ISY1: variants seen among roughly 807,000 people sequenced by gnomAD.
ISY1 encodes the protein pre-mRNA-splicing factor ISY1 homolog.
A neutral mutation model predicts 54.4 loss-of-function variants in ISY1; 12 were observed. The ratio of observed to expected loss-of-function variants is 0.22; its 90% CI spans 0.14 to 0.36. ISY1 has a LOEUF of 0.36. ISY1 is among the 10% of genes least tolerant of loss of function. The pLI is 1.00. For missense variants in ISY1, 282 were observed against 342.2 expected, an observed-to-expected ratio of 0.82 and a Z score of 1.39; for synonymous variants, 96 against 117.9, an observed-to-expected ratio of 0.81 and a Z score of 1.20.
rs548992025 is a variant in ISY1, at chr3:129,156,431, T to C, written c.187+202A>G. On this transcript the variant is annotated intron_variant, in intron 5 of 10. Coordinates refer to ENST00000393295, the MANE Select transcript of ISY1 (RefSeq NM_020701.4). ...AAAAAAAAAAATGACGTATTCTTTA[T>C]TGTTAGGTACAGTGTTGTGAGACAG... Among the ~76,000 whole-genome samples, 3 of 151,918 alleles carry C rather than the reference T, an allele frequency of 2.0e-5. No homozygotes were observed. In the East Asian group the frequency reaches 5.8e-4, roughly 29 times the overall value.
chr3:129,160,535 A>C (rs1354346857), intron 1 of ISY1, among the ~76,000 whole-genome samples: 1 of 152,020 alleles, frequency 6.6e-6, no homozygotes, highest in Non-Finnish European at 1.5e-5. Flanking sequence ...TAAGGAAAAG[A>C]CCCTACCCTC....
At chr3:129,150,918 A>G (rs1936946757) in intron 5 of ISY1, among the ~76,000 whole-genome samples, 1 of 151,182 alleles carries the variant, frequency 6.6e-6, no homozygotes, top group African/African-American at 2.4e-5. Context: ...TGAGCCCAGA[A>G]GTTCCAGACC....
At chr3:129,146,824 G>GA (rs1415612385) in intron 5 of ISY1, among the ~76,000 whole-genome samples, 1 of 152,206 alleles carries the variant, frequency 6.6e-6, no homozygotes, top group African/African-American at 2.4e-5. Context: ...CTGGGAAGCA[G>GA]AAGTGGGTGG....
intron 9 of ISY1, among the ~76,000 whole-genome samples, chr3:129,132,124 C>T (rs1403666150): frequency 6.6e-6 from 1 of 152,092 alleles, no homozygotes; most frequent in Admixed American, 6.6e-5. Context: ...CCACCACCCC[C>T]GGCCAGTTCT....
At chr3:129,158,157 CTTTT>C (rs1298936856) in intron 3 of ISY1, among the ~76,000 whole-genome samples, 2 of 141,204 alleles carry the variant, frequency 1.4e-5, no homozygotes, top group Non-Finnish European at 3.1e-5. Flanking sequence ...CTGCACCCTA[CTTTT>C]TTTTTTTTTT....
At chr3:129,146,370 A>G (rs746257356) in intron 5 of ISY1, among the ~76,000 whole-genome samples, 1 of 152,226 alleles carries the variant, frequency 6.6e-6, no homozygotes, top group Non-Finnish European at 1.5e-5. Context: ...GGATTAATTG[A>G]AAGGGATGTA....
intron 5 of ISY1, among the ~76,000 whole-genome samples, chr3:129,149,427 CAAAAAAAAAAAAA>C (rs767849123): frequency 9.1e-3 from 220 of 24,206 alleles, no homozygotes; most frequent in Admixed American, 0.014. Flanking sequence ...AACTCTATCT[CAAAAAAAAAAAAA>C]AAAAAAAAAA....
chr3:129,156,612 T>C, intron 5 of ISY1, 21 bp downstream of exon 5: 1 of 1,610,472 alleles, frequency 6.2e-7, no homozygotes, highest in Non-Finnish European at 8.5e-7. Flanking sequence ...TCAAGCACTT[T>C]AAAGGAACAA....
intron 5 of ISY1, among the ~76,000 whole-genome samples, chr3:129,155,217 G>C (rs1937100713): frequency 6.6e-6 from 1 of 151,492 alleles, no homozygotes; most frequent in Non-Finnish European, 1.5e-5. Context: ...TTGTTTGTTT[G>C]TTTGTTTGTT....
chr3:129,140,441 T>C lies in ISY1; in HGVS notation c.345A>G (p.Pro115=), dbSNP rs1436380103. ...CAAAGTACTTGTAACCTCGGTTTCC[T>C]GGGACTTCTTTTCCTTCATGATCCA... ...KMLDHEGKEV[P]GNRGYKYFGA... Residue 115 remains proline (P), a synonymous_variant, in exon 7 of 11, where the codon CCA becomes CCG. Transcript: ENST00000393295. 3.1e-6 allele frequency: 5 copies of C among 1,613,244 alleles called. No homozygotes were observed. Among genetic ancestry groups the C allele is most frequent in the Non-Finnish European group, 3.4e-6 (4 of 1,179,844 alleles).
chr3:129,157,266 G>A lies in ISY1; in HGVS notation c.79-346C>T, dbSNP rs114589726. Among the ~76,000 whole-genome samples the A allele has an allele frequency of 2.8e-3, 429 of 151,982 alleles. 7 individuals are homozygous for A. Among genetic ancestry groups the A allele is most frequent in the African/African-American group, 8.2e-3 (339 of 41,440 alleles). The stretch of plus-strand genomic sequence containing the variant: ...TAAATATGGGTGTATTCATATACAT[G>A]TGCGTATATAAAATTAAAAAAAAAA... On this transcript the variant is annotated intron_variant, in intron 3 of 10. Transcript: ENST00000393295.
intron 4 of ISY1, 21 bp from the exon 5 acceptor site, chr3:129,156,696 A>G: frequency 6.3e-7 from 1 of 1,585,368 alleles, no homozygotes; most frequent in Non-Finnish European, 8.6e-7. Flanking sequence ...AAAGTAATAC[A>G]TTTTAATAAT....
At chr3:129,149,640 CAAAA>C (rs1291277597) in intron 5 of ISY1, among the ~76,000 whole-genome samples, 1 of 70,928 alleles carries the variant, frequency 1.4e-5, no homozygotes, top group African/African-American at 6.0e-5. Context: ...TATATATACA[CAAAA>C]AAAATCAGCT....
chr3:129,156,898 G>A lies in ISY1; in HGVS notation c.101C>T (p.Ser34Leu), dbSNP rs1937159175. The change falls in exon 4 of 11, where the codon TCA becomes TTA. Residue 34 changes from serine (S) to leucine (L), a missense_variant. Physicochemically the swap from Ser to Leu is moderately radical, Grantham distance 145. Around this residue, in one of 2 missense-constraint regions of ISY1, gnomAD observed 279 missense variants for 323.6 expected, o/e 0.86. Coordinates refer to ENST00000393295, the MANE Select transcript of ISY1 (RefSeq NM_020701.4). ...KVKERRPFLASECTELPKAEK... is the reference protein window; with the variant it reads ...KVKERRPFLALECTELPKAEK... The stretch of plus-strand genomic sequence containing the variant: ...AGCTTTAGGCAGTTCAGTACATTCT[G>A]AGGCCAGAAAGGGTCTTCGTTCCTA... 1 of 1,614,028 alleles carries A rather than the reference G, an allele frequency of 6.2e-7. No homozygotes were observed. Among genetic ancestry groups the A allele is most frequent in the Non-Finnish European group, 8.5e-7 (1 of 1,179,982 alleles).
At chr3:129,147,068 A>G (rs1241593619) in intron 5 of ISY1, among the ~76,000 whole-genome samples, 1 of 151,436 alleles carries the variant, frequency 6.6e-6, no homozygotes, top group East Asian at 1.9e-4. Context: ...CAAAAAAAAA[A>G]AAAAGTCAAG....
In ISY1 at chr3:129,131,912, C is replaced by T. The variant is rs897459158; in HGVS notation, c.664-1276G>A. ...TGGTGCAATCACAGCTCACTGTAAT[C>T]TGAACCCCCTGAGCTCAAGCAATTC... is the stretch of plus-strand genomic sequence containing the variant. On this transcript the variant is annotated intron_variant, in intron 9 of 10. Coordinates refer to ENST00000393295, the MANE Select transcript of ISY1 (RefSeq NM_020701.4). Among the ~76,000 whole-genome samples the T allele has an allele frequency of 2.0e-5, 3 of 152,188 alleles. No individual in the cohort carries two copies. In the South Asian group the frequency reaches 6.2e-4, roughly 32 times the overall value.
At chr3:129,145,425 A>G (rs1375213493) in intron 6 of ISY1, among the ~76,000 whole-genome samples, 1 of 152,086 alleles carries the variant, frequency 6.6e-6, no homozygotes, top group Non-Finnish European at 1.5e-5. Flanking sequence ...CTTTTGCCAT[A>G]CTGGCCAGGC....
intron 6 of ISY1, chr3:129,144,267 A>G (rs941796630): frequency 1.5e-5 from 5 of 343,624 alleles, no homozygotes; most frequent in African/African-American, 4.3e-5. Flanking sequence ...AAAAGAAAAA[A>G]AGAAGTTAGG....
At chr3:129,130,687 T>C (rs1212003990) in intron 9 of ISY1, 51 bp from the exon 10 acceptor site, 1 of 1,597,874 alleles carries the variant, frequency 6.3e-7, no homozygotes, top group Non-Finnish European at 8.6e-7. Context: ...GCTAGATAAA[T>C]GCTGGCAACT....
Sources: gnomAD v4.1 joint callset for allele counts (sites outside exome capture counted in the v4.1 genomes callset) on GRCh38, gnomAD v4.1.1 for gene constraint, gnomAD v4.1.1 regional missense constraint, MANE v1.5 for transcripts, NCBI Gene and HGNC (gene_info 2026-07-23, HGNC 2026-07-21) for gene names.